Variants in RRM2B observed in about 807,000 individuals in gnomAD.
RRM2B encodes ribonucleotide reductase regulatory TP53 inducible subunit M2B.
Under a neutral mutation model 45.9 loss-of-function variants are expected in RRM2B, and 20 were observed. The observed-to-expected ratio is 0.44, with a 90% CI of 0.31 to 0.63. The LOEUF (loss-of-function observed/expected upper bound fraction) is 0.63, where lower values mean the gene tolerates loss of function less well. RRM2B is among the 30% of genes least tolerant of loss of function. The pLI, the probability that RRM2B is intolerant of heterozygous loss-of-function variation, is 0.09. For missense variants in RRM2B, 320 were observed against 414.7 expected, an observed-to-expected ratio of 0.77 and a Z score of 1.98; for synonymous variants, 124 against 132.3, an observed-to-expected ratio of 0.94 and a Z score of 0.43.
At position 102,204,850 on chromosome 8, in the gene RRM2B, A is replaced by G. The variant is rs1431866463; in HGVS notation, c.*3283T>C. ...TGTAAGAATATTGTGACCTTATTTA[A>G]CTGTACAAAAAGCAATCATTCTCTC... On this transcript the variant is annotated 3_prime_UTR_variant, in exon 9 of 9. Coordinates refer to ENST00000251810, the MANE Select transcript of RRM2B (RefSeq NM_015713.5). The G allele has an allele frequency of 6.6e-6, 1 of 152,244 alleles. No homozygotes were observed. The highest frequency in any genetic ancestry group is 1.5e-5 in the Non-Finnish European group (1 of 68,014). 9.4% of individuals were successfully genotyped at this position (152,244 alleles called of 1,614,324 possible). A position where few individuals can be genotyped will look rare whatever the true frequency, so the allele number is the denominator to read the frequency against.
At chr8:102,227,630 TAGTC>T (rs1228405273) in intron 2 of RRM2B, among the ~76,000 whole-genome samples, 1 of 152,196 alleles carries the variant, frequency 6.6e-6, no homozygotes, top group African/African-American at 2.4e-5. Context: ...TACCTTCCCT[TAGTC>T]AGTTCTGGGG....
At chr8:102,231,655 G>A (rs1401919856) in intron 2 of RRM2B, among the ~76,000 whole-genome samples, 3 of 152,070 alleles carry the variant, frequency 2.0e-5, no homozygotes, top group African/African-American at 7.2e-5. Flanking sequence ...TGGATCACAA[G>A]GTCAGGAGTT....
intron 8 of RRM2B, among the ~76,000 whole-genome samples, chr8:102,209,680 G>A (rs1810602970): frequency 6.6e-6 from 1 of 152,132 alleles, no homozygotes. Context: ...ATGTGTAAAT[G>A]AACGTTCATA....
chr8:102,238,043 A>G (rs1811152523), intron 1 of RRM2B, among the ~76,000 whole-genome samples: 1 of 152,230 alleles, frequency 6.6e-6, no homozygotes, highest in African/African-American at 2.4e-5. Context: ...ACAGTGTTTG[A>G]AAATTATACA....
Position 102,214,099 on chromosome 8 carries a change from T to C in RRM2B, c.744A>G (p.Glu248=), listed in dbSNP as rs1377499095. The C allele has an allele frequency of 6.2e-7, 1 of 1,613,560 alleles. No individual in the cohort carries two copies. The highest frequency in any genetic ancestry group is 8.5e-7 in the Non-Finnish European group (1 of 1,179,766). The change falls in exon 7 of 9, where the codon GAA becomes GAG. Residue 248 remains glutamate, a synonymous_variant. Transcript: ENST00000251810. ...MFQYLVNKPS[E]ERVREIIVDA... ...CAACAATGATCTCCCTGACCCTTTC[T>C]TCTGAAGGCTTATTTACTAAGTATT...
intron 2 of RRM2B, among the ~76,000 whole-genome samples, chr8:102,228,157 A>G (rs1405264343): frequency 2.0e-5 from 3 of 152,152 alleles, no homozygotes; most frequent in Non-Finnish European, 4.4e-5. Flanking sequence ...AGAGAAGAGG[A>G]GAGGAGAAGA....
chr8:102,215,036 G>C (rs1222969509), intron 6 of RRM2B, among the ~76,000 whole-genome samples: 1 of 80,730 alleles, frequency 1.2e-5, no homozygotes, highest in Admixed American at 1.5e-4. Flanking sequence ...ATAGTATAGA[G>C]CTAAATATTA....
At chr8:102,223,382 G>C (rs893942274) in intron 5 of RRM2B, among the ~76,000 whole-genome samples, 11 of 152,072 alleles carry the variant, frequency 7.2e-5, no homozygotes, top group Non-Finnish European at 1.3e-4. Context: ...AAAATGTTAA[G>C]ATTTCACTTG....
intron 8 of RRM2B, among the ~76,000 whole-genome samples, chr8:102,210,380 T>G (rs532604217): frequency 6.6e-6 from 1 of 152,036 alleles, no homozygotes; most frequent in Non-Finnish European, 1.5e-5. Flanking sequence ...TGAAGACTTT[T>G]CAAAAAATTA....
Position 102,225,990 on chromosome 8 carries a change from T to C in RRM2B, c.249A>G (p.Ala83=). The C allele has an allele frequency of 6.2e-7, 1 of 1,612,968 alleles. No homozygotes were observed. The highest frequency in any genetic ancestry group is 8.5e-7 in the Non-Finnish European group (1 of 1,179,074). ...KDLPHWNKLK[A]DEKYFISHIL... ...TGTGAGAGATGAAGTACTTCTCATC[T>C]GCTTTAAGCTTGTTCCAGTGAGGGA... The change falls in exon 3 of 9, where the codon GCA becomes GCG. Residue 83 remains alanine (A), a synonymous_variant. Transcript: ENST00000251810.
At chr8:102,209,488 A>G (rs964077749) in intron 8 of RRM2B, among the ~76,000 whole-genome samples, 3 of 152,196 alleles carry the variant, frequency 2.0e-5, no homozygotes, top group African/African-American at 4.8e-5. Context: ...ACAGGTAATA[A>G]GTGTTGGTGC....
Position 102,212,756 on chromosome 8 carries a change from C to G in RRM2B, c.903+20G>C, listed in dbSNP as rs1197324200. 2 of 1,271,056 alleles carry G rather than the reference C, an allele frequency of 1.6e-6. No individual in the cohort carries two copies. Among genetic ancestry groups the G allele is most frequent in the Non-Finnish European group, 2.3e-6 (2 of 868,230 alleles). 78.7% of individuals were successfully genotyped at this position (1,271,056 alleles called of 1,614,324 possible). A position where few individuals can be genotyped will look rare whatever the true frequency, so the allele number is the denominator to read the frequency against. ...CCTATAATATTTTAACTAGTAGTAA[C>G]ACATTTTTAAACACATTACCTTTGA... On this transcript the variant is annotated intron_variant, in intron 8 of 8. Coordinates refer to ENST00000251810, the MANE Select transcript of RRM2B (RefSeq NM_015713.5).
intron 2 of RRM2B, among the ~76,000 whole-genome samples, 168 bp downstream of exon 2, chr8:102,231,981 T>C (rs921792153): frequency 7.2e-5 from 11 of 152,098 alleles, no homozygotes; most frequent in African/African-American, 2.7e-4. Flanking sequence ...TAGATAGTAA[T>C]CTAAACTAAA....
Position 102,232,140 on chromosome 8 carries a change from G to A in RRM2B, c.204+9C>T. 6.2e-7 allele frequency: 1 copy of A among 1,613,568 alleles called. No individual in the cohort carries two copies. The highest frequency in any genetic ancestry group is 1.3e-5 in the African/African-American group (1 of 75,034). On this transcript the variant is annotated intron_variant, in intron 2 of 8. Transcript: ENST00000251810. Reference sequence around the variant, plus strand: ...GGATGTGAATGCTCTTGGAGGCAATGCCACGTACCTCTTCTGCTGTCCAGA... The same window carrying A: ...GGATGTGAATGCTCTTGGAGGCAATACCACGTACCTCTTCTGCTGTCCAGA...
intron 8 of RRM2B, among the ~76,000 whole-genome samples, chr8:102,208,982 T>C (rs1364494589): frequency 6.6e-6 from 1 of 152,142 alleles, no homozygotes; most frequent in Non-Finnish European, 1.5e-5. Context: ...AAACCCTGTC[T>C]CTACTAAAAG....
At chr8:102,225,155 T>A in intron 3 of RRM2B, 137 bp from the exon 4 acceptor site, 1 of 800,132 alleles carries the variant, frequency 1.2e-6, no homozygotes, top group Admixed American at 2.1e-5. Flanking sequence ...CCTTATGGAT[T>A]ATTTTAAGCA....
chr8:102,217,986 A>G (rs1245876987), intron 6 of RRM2B, among the ~76,000 whole-genome samples: 1 of 152,238 alleles, frequency 6.6e-6, no homozygotes, highest in African/African-American at 2.4e-5. Flanking sequence ...AAAGAAGGAT[A>G]GAGACACTCA....
At chr8:102,231,730 G>A (rs1811031703) in intron 2 of RRM2B, among the ~76,000 whole-genome samples, 1 of 151,962 alleles carries the variant, frequency 6.6e-6, no homozygotes, top group Non-Finnish European at 1.5e-5. Flanking sequence ...TTAGCTGGGC[G>A]TGGTGGCTGG....
intron 7 of RRM2B, among the ~76,000 whole-genome samples, chr8:102,213,361 T>C (rs1810668083): frequency 6.6e-6 from 1 of 152,116 alleles, no homozygotes; most frequent in Non-Finnish European, 1.5e-5. Flanking sequence ...CCAACCATAC[T>C]GAAAGACTAT....
Sources: gnomAD v4.1 joint callset for allele counts (sites outside exome capture counted in the v4.1 genomes callset) on GRCh38, gnomAD v4.1.1 for gene constraint, MANE v1.5 for transcripts, NCBI Gene and HGNC (gene_info 2026-07-23, HGNC 2026-07-21) for gene names.